TIMMDC1: variants seen among roughly 807,000 people sequenced by gnomAD.
TIMMDC1 encodes complex I assembly factor TIMMDC1, mitochondrial.
Under a neutral mutation model 32.6 loss-of-function variants are expected in TIMMDC1, and 25 were observed. The ratio of observed to expected loss-of-function variants is 0.77; its 90% CI spans 0.56 to 1.07. The LOEUF (loss-of-function observed/expected upper bound fraction) is 1.07. TIMMDC1 is among the 50% of genes least tolerant of loss of function. TIMMDC1 has a pLI of 0.00. For missense variants in TIMMDC1, 329 were observed against 349.2 expected, an observed-to-expected ratio of 0.94 and a Z score of 0.46; for synonymous variants, 130 against 127.6, an observed-to-expected ratio of 1.02 and a Z score of -0.13.
intron 2 of TIMMDC1, among the ~76,000 whole-genome samples, chr3:119,502,231 T>C (rs1299581301): frequency 6.6e-6 from 1 of 151,790 alleles, no homozygotes; most frequent in Non-Finnish European, 1.5e-5. Flanking sequence ...AATTATTTAT[T>C]CCTTTATTTA....
chr3:119,520,727 A>G (rs1258683186), intron 6 of TIMMDC1, among the ~76,000 whole-genome samples: 1 of 152,220 alleles, frequency 6.6e-6, no homozygotes, highest in Non-Finnish European at 1.5e-5. Flanking sequence ...TTCCAAACTC[A>G]TTCTACAAGG....
intron 4 of TIMMDC1, among the ~76,000 whole-genome samples, chr3:119,505,017 G>A (rs2081908900): frequency 6.6e-6 from 1 of 151,008 alleles, no homozygotes; most frequent in South Asian, 2.1e-4. Context: ...GGCAGAGGTT[G>A]CAGTGAGCTG....
Position 119,498,602 on chromosome 3 carries a change from G to A in TIMMDC1, c.-132G>A, listed in dbSNP as rs561778767. 4.5e-4 allele frequency: 370 copies of A among 831,038 alleles called. 1 individual carries two copies. The highest frequency in any genetic ancestry group is 6.7e-4 in the Non-Finnish European group (352 of 523,196). The allele number at this position is 831,038 out of a possible 1,614,324, so 51.5% of individuals were successfully genotyped here. A position where few individuals can be genotyped will look rare whatever the true frequency, so the allele number is the denominator to read the frequency against. On this transcript the variant is annotated 5_prime_UTR_variant, in exon 1 of 7. Transcript: ENST00000494664. ...CGGGGACTGAAGGTGTGGGTGTCGA[G>A]CCCTCTGGCAGAGGGTTAACCTGGG...
Position 119,498,696 on chromosome 3 carries a change from C to T in TIMMDC1, c.-38C>T, listed in dbSNP as rs1373317990. 1.5e-5 allele frequency: 24 copies of T among 1,603,436 alleles called. No homozygotes were observed. Among genetic ancestry groups the T allele is most frequent in the Non-Finnish European group, 2.0e-5 (24 of 1,172,228 alleles). The stretch of plus-strand genomic sequence containing the variant: ...GGCACGTCCGCGAGGACTTGAAGTC[C>T]TGAGCGCTCAAGTTTGTCCGTAGGT... On this transcript the variant is annotated 5_prime_UTR_variant, in exon 1 of 7. Coordinates refer to ENST00000494664, the MANE Select transcript of TIMMDC1 (RefSeq NM_016589.4).
In TIMMDC1 at chr3:119,498,784, C is replaced by T. The variant is rs2107724814; in HGVS notation, c.51C>T (p.Cys17=). 6.2e-7 allele frequency: 1 copy of T among 1,614,230 alleles called. No individual in the cohort carries two copies. Among genetic ancestry groups the T allele is most frequent in the South Asian group, 1.1e-5 (1 of 91,086 alleles). Residue 17 remains cysteine, a synonymous_variant, in exon 1 of 7, where the codon TGC becomes TGT. Transcript: ENST00000494664. ...APRSFLCRAL[C]LFPRVFAAEA... ...GGAGCTTTCTCTGTAGAGCATTGTGCCTATTTCCCCGAGTCTTTGCTGCCG... is the reference window on the plus strand; with the variant it reads ...GGAGCTTTCTCTGTAGAGCATTGTGTCTATTTCCCCGAGTCTTTGCTGCCG...
chr3:119,503,738 C>A, intron 3 of TIMMDC1, 118 bp downstream of exon 3: 1 of 671,912 alleles, frequency 1.5e-6, no homozygotes. Flanking sequence ...TTAATAATGC[C>A]TTTTTTTTTT....
chr3:119,503,400 A>C, intron 2 of TIMMDC1, 132 bp from the exon 3 acceptor site: 1 of 618,028 alleles, frequency 1.6e-6, no homozygotes, highest in Non-Finnish European at 2.7e-6. Context: ...TAGTATTTCT[A>C]GAGATTTTCT....
intron 3 of TIMMDC1, 118 bp downstream of exon 3, chr3:119,503,738 CT>C (rs11358423): frequency 0.45 from 293,498 of 658,490 alleles, 32,610 homozygotes; most frequent in African/African-American, 0.68. Flanking sequence ...TTAATAATGC[CT>C]TTTTTTTTTT....
At chr3:119,504,166 G>C in intron 4 of TIMMDC1, 145 bp downstream of exon 4, 1 of 639,176 alleles carries the variant, frequency 1.6e-6, no homozygotes, top group South Asian at 2.0e-5. Flanking sequence ...TTTATGGACA[G>C]TGTTGTGCTT....
chr3:119,511,411 A>G (rs1442184710), intron 4 of TIMMDC1, among the ~76,000 whole-genome samples: 1 of 151,968 alleles, frequency 6.6e-6, no homozygotes, highest in East Asian at 1.9e-4. Flanking sequence ...CGGGAGGCAG[A>G]GGTTGCAGTG....
intron 4 of TIMMDC1, among the ~76,000 whole-genome samples, chr3:119,510,740 C>A (rs1260612597): frequency 2.6e-5 from 4 of 152,056 alleles, no homozygotes; most frequent in African/African-American, 9.7e-5. Flanking sequence ...TTCAGTACAA[C>A]AAAATTAGTT....
intron 6 of TIMMDC1, among the ~76,000 whole-genome samples, chr3:119,518,739 C>T (rs1162044540): frequency 6.6e-6 from 1 of 152,262 alleles, no homozygotes; most frequent in East Asian, 1.9e-4. Flanking sequence ...TGAGCTGCCA[C>T]GTGCACCCCC....
At chr3:119,515,661 T>C (rs570699503) in intron 5 of TIMMDC1, among the ~76,000 whole-genome samples, 46 of 152,370 alleles carry the variant, frequency 3.0e-4, no homozygotes, top group East Asian at 5.8e-4. Context: ...GTTCAGTGTC[T>C]CCATTGCAAA....
rs1192372290 is a variant in TIMMDC1 at position 119,498,597 on chromosome 3, G to A, written c.-137G>A. The A allele has an allele frequency of 1.0e-5, 8 of 797,750 alleles. No homozygotes were observed. Among genetic ancestry groups the A allele is most frequent in the Non-Finnish European group, 8.1e-6 (4 of 495,210 alleles). 49.4% of individuals were successfully genotyped at this position (797,750 alleles called of 1,614,324 possible). A position where few individuals can be genotyped will look rare whatever the true frequency, so the allele number is the denominator to read the frequency against. On this transcript the variant is annotated 5_prime_UTR_variant, in exon 1 of 7. Transcript: ENST00000494664. ...GAGGCCGGGGACTGAAGGTGTGGGT[G>A]TCGAGCCCTCTGGCAGAGGGTTAAC...
intron 1 of TIMMDC1, 127 bp from the exon 2 acceptor site, chr3:119,500,568 C>G (rs753941959): frequency 1.2e-6 from 1 of 807,122 alleles, no homozygotes; most frequent in Non-Finnish European, 1.9e-6. Context: ...TTTAATTCAT[C>G]TGAGAATTCT....
At position 119,498,753 on chromosome 3, in the gene TIMMDC1, C is replaced by T; in HGVS notation, c.20C>T (p.Ala7Val). The change falls in exon 1 of 7, where the codon GCA (alanine) becomes GTA (valine). Residue 7 changes from alanine (A) to valine (V), a missense_variant. Physicochemically the swap from Ala to Val is moderately conservative, Grantham distance 64 (BLOSUM62 0). Coordinates refer to ENST00000494664, the MANE Select transcript of TIMMDC1 (RefSeq NM_016589.4). MEVPPP[A>V]PRSFLCRALC... ...AAGGCCATGGAGGTGCCGCCACCGG[C>T]ACCGCGGAGCTTTCTCTGTAGAGCA... 1 of 1,614,182 alleles carries T rather than the reference C, an allele frequency of 6.2e-7. No homozygotes were observed. The highest frequency in any genetic ancestry group is 8.5e-7 in the Non-Finnish European group (1 of 1,180,012).
chr3:119,511,730 G>A (rs920669591), intron 4 of TIMMDC1, among the ~76,000 whole-genome samples: 2 of 152,100 alleles, frequency 1.3e-5, no homozygotes, highest in Non-Finnish European at 2.9e-5. Context: ...CAAAAAGAAA[G>A]GATAGCTCAG....
chr3:119,501,545 A>T (rs1468040861), intron 2 of TIMMDC1, among the ~76,000 whole-genome samples: 1 of 152,216 alleles, frequency 6.6e-6, no homozygotes, highest in South Asian at 2.1e-4. Flanking sequence ...TACAACCACA[A>T]TTATAATATC....
intron 4 of TIMMDC1, among the ~76,000 whole-genome samples, chr3:119,509,119 T>C (rs1232074558): frequency 6.6e-6 from 1 of 151,818 alleles, no homozygotes; most frequent in Non-Finnish European, 1.5e-5. Flanking sequence ...GGCAGGAAAA[T>C]GGCGTGAACC....
Sources: gnomAD v4.1 joint callset for allele counts (sites outside exome capture counted in the v4.1 genomes callset) on GRCh38, gnomAD v4.1.1 for gene constraint, MANE v1.5 for transcripts, NCBI Gene and HGNC (gene_info 2026-07-23, HGNC 2026-07-21) for gene names.